The following ADAMTSL1 variants were observed in gnomAD, a reference collection of about 807,000 sequenced individuals.
The protein encoded by ADAMTSL1 is ADAMTS-like protein 1.
Under a neutral mutation model 201.8 loss-of-function variants are expected in ADAMTSL1, and 126 were observed. The ratio of observed to expected loss-of-function variants is 0.62; its 90% CI spans 0.54 to 0.72. ADAMTSL1 has a LOEUF of 0.72. Among genes scored for constraint, ADAMTSL1 ranks in the 30% least tolerant of loss-of-function variants. The probability of loss-of-function intolerance (pLI) is 0.00; values close to 1 mark genes in which losing one functional copy is unlikely to be tolerated. For synonymous variants in ADAMTSL1, 1,121 were observed against 903.4 expected, an observed-to-expected ratio of 1.24 and a Z score of -4.32; for missense variants, 2,679 against 2,277.8, an observed-to-expected ratio of 1.18 and a Z score of -3.59.
chr9:18,710,421 G>A (rs1376353743), intron 14 of ADAMTSL1, among the ~76,000 whole-genome samples: 1 of 152,208 alleles, frequency 6.6e-6, no homozygotes, highest in Non-Finnish European at 1.5e-5. Context: ...TTAACACACA[G>A]CACTGGGGAG....
intron 1 of ADAMTSL1, among the ~76,000 whole-genome samples, chr9:17,995,702 C>T (rs751482862): frequency 1.3e-5 from 2 of 151,920 alleles, no homozygotes; most frequent in Admixed American, 6.6e-5. Context: ...GAAGCCCTGA[C>T]AAGATTGCTT....
At chr9:17,996,284 A>T (rs1323907184) in intron 1 of ADAMTSL1, among the ~76,000 whole-genome samples, 1 of 152,050 alleles carries the variant, frequency 6.6e-6, no homozygotes, top group Non-Finnish European at 1.5e-5. Context: ...AATTATCATA[A>T]GGAACACAGA....
intron 13 of ADAMTSL1, among the ~76,000 whole-genome samples, chr9:18,687,250 T>C (rs533522596): frequency 1.3e-5 from 2 of 152,360 alleles, no homozygotes; most frequent in Admixed American, 6.5e-5. Context: ...TTATCTATAT[T>C]GATTTTGAAT....
At chr9:18,452,793 G>T (rs1820459110) in intron 2 of ADAMTSL1, among the ~76,000 whole-genome samples, 1 of 152,226 alleles carries the variant, frequency 6.6e-6, no homozygotes, top group Admixed American at 6.5e-5. Flanking sequence ...GAACATTAGG[G>T]TAGAGGTTGG....
intron 1 of ADAMTSL1, among the ~76,000 whole-genome samples, chr9:18,474,936 CA>C (rs1821377847): frequency 6.6e-6 from 1 of 152,166 alleles, no homozygotes; most frequent in African/African-American, 2.4e-5. Context: ...CTGATTGCCA[CA>C]GTCATAGTGA....
At chr9:18,548,796 C>T (rs1309157895) in intron 3 of ADAMTSL1, among the ~76,000 whole-genome samples, 1 of 151,586 alleles carries the variant, frequency 6.6e-6, no homozygotes, top group Non-Finnish European at 1.5e-5. Flanking sequence ...AGAAATAAAG[C>T]ATTAAATAGA....
chr9:17,982,485 G>A (rs1202441433), intron 1 of ADAMTSL1, among the ~76,000 whole-genome samples: 2 of 152,048 alleles, frequency 1.3e-5, no homozygotes, highest in Non-Finnish European at 2.9e-5. Context: ...GGTGGTGGAC[G>A]CTTGTAGTCC....
intron 2 of ADAMTSL1, among the ~76,000 whole-genome samples, chr9:18,220,859 C>T (rs199879237): frequency 3.5e-4 from 53 of 152,084 alleles, no homozygotes; most frequent in African/African-American, 1.1e-3. Flanking sequence ...ACTGCAACCT[C>T]GGCTTCCCAG....
At chr9:18,592,040 A>C (rs1038440835) in intron 4 of ADAMTSL1, among the ~76,000 whole-genome samples, 18 of 152,332 alleles carry the variant, frequency 1.2e-4, no homozygotes, top group East Asian at 3.9e-4. Context: ...TCTGTTAACC[A>C]ATGCCGGCTG....
intron 13 of ADAMTSL1, among the ~76,000 whole-genome samples, chr9:18,691,047 T>C (rs1380098187): frequency 6.6e-6 from 1 of 152,182 alleles, no homozygotes; most frequent in Admixed American, 6.5e-5. Flanking sequence ...GTGACCAAAG[T>C]GTTGAGTACT....
intron 7 of ADAMTSL1, among the ~76,000 whole-genome samples, chr9:18,649,009 T>G (rs1182998907): frequency 6.6e-6 from 1 of 152,210 alleles, no homozygotes; most frequent in East Asian, 1.9e-4. Flanking sequence ...ATTCTCCCCA[T>G]CACTTTCAGG....
At chr9:18,212,305 A>G (rs1320691414) in intron 2 of ADAMTSL1, among the ~76,000 whole-genome samples, 1 of 152,136 alleles carries the variant, frequency 6.6e-6, no homozygotes, top group Non-Finnish European at 1.5e-5. Flanking sequence ...CTTTATGACC[A>G]TGTTTGACCT....
chr9:17,980,625 G>A (rs1010670372), intron 1 of ADAMTSL1, among the ~76,000 whole-genome samples: 2 of 151,942 alleles, frequency 1.3e-5, no homozygotes, highest in African/African-American at 4.8e-5. Context: ...GGTTTTTGGG[G>A]GGCAATTGGG....
Position 18,014,944 on chromosome 9 carries a change from A to G in ADAMTSL1, c.87+108022A>G, listed in dbSNP as rs73643492. ...GCCAAGTATAGTGATCATCAAGAAA[A>G]GCCGTGTTAAAGTTAATCTCGGCTG... On this transcript the variant is annotated intron_variant, in intron 1 of 29. Coordinates refer to the ADAMTSL1 transcript ENST00000680146. 1.4e-3 allele frequency among the ~76,000 whole-genome samples: 212 copies of G among 152,174 alleles called. 2 individuals carry two copies. Among genetic ancestry groups the G allele is most frequent in the Non-Finnish European group, 3.1e-4 (21 of 67,966 alleles).
chr9:18,421,673 A>G (rs1818956671), intron 2 of ADAMTSL1, among the ~76,000 whole-genome samples: 1 of 152,206 alleles, frequency 6.6e-6, no homozygotes, highest in African/African-American at 2.4e-5. Context: ...AAACCGGGAA[A>G]CATAGCTGTA....
At chr9:18,765,992 G>C (rs531934144) in intron 16 of ADAMTSL1, among the ~76,000 whole-genome samples, 1 of 152,198 alleles carries the variant, frequency 6.6e-6, no homozygotes, top group South Asian at 2.1e-4. Flanking sequence ...CAGGTAGAGA[G>C]AACAGCAAAT....
At chr9:18,699,774 G>A (rs1386913863) in intron 13 of ADAMTSL1, among the ~76,000 whole-genome samples, 1 of 152,068 alleles carries the variant, frequency 6.6e-6, no homozygotes, top group East Asian at 1.9e-4. Context: ...TTAATTTCCA[G>A]GATCATTATA....
At chr9:18,401,972 G>A (rs138881195) in intron 2 of ADAMTSL1, among the ~76,000 whole-genome samples, 4 of 152,042 alleles carry the variant, frequency 2.6e-5, no homozygotes, top group Admixed American at 2.6e-4. Flanking sequence ...TTCTCATATC[G>A]CAGAGTCAAT....
intron 1 of ADAMTSL1, among the ~76,000 whole-genome samples, chr9:17,950,905 C>T (rs942533942): frequency 9.2e-5 from 14 of 152,084 alleles, no homozygotes; most frequent in Admixed American, 2.6e-4. Context: ...AGCAACAGTA[C>T]ACCTAGGCTT....
Sources: gnomAD v4.1 joint callset for allele counts (sites outside exome capture counted in the v4.1 genomes callset) on GRCh38, gnomAD v4.1.1 for gene constraint, MANE v1.5 for transcripts, NCBI Gene and HGNC (gene_info 2026-07-23, HGNC 2026-07-21) for gene names.